Variants in DNAJC6 observed in about 807,000 individuals in gnomAD.
DNAJC6 encodes DnaJ heat shock protein family (Hsp40) member C6.
DNAJC6 carries 34 observed loss-of-function variants against 110.0 expected under a neutral mutation model. The ratio of observed to expected loss-of-function variants is 0.31; its 90% CI spans 0.24 to 0.41. The LOEUF is 0.41. Among genes scored for constraint, DNAJC6 ranks in the 10% least tolerant of loss-of-function variants. DNAJC6 has a pLI of 1.00. For synonymous variants in DNAJC6, 406 were observed against 437.2 expected, an observed-to-expected ratio of 0.93 and a Z score of 0.89; for missense variants, 1,031 against 1,207.8, an observed-to-expected ratio of 0.85 and a Z score of 2.17.
At chr1:65,378,178 C>T (rs1645784934) in intron 4 of DNAJC6, among the ~76,000 whole-genome samples, 1 of 152,220 alleles carries the variant, frequency 6.6e-6, no homozygotes, top group South Asian at 2.1e-4. Context: ...CCTCACCAAC[C>T]TCCTGACTGG....
intron 1 of DNAJC6, among the ~76,000 whole-genome samples, chr1:65,335,574 A>G (rs1645328567): frequency 6.6e-6 from 1 of 152,154 alleles, no homozygotes. Context: ...TTAAGGAGAA[A>G]CCTATAGGAA....
chr1:65,304,197 GA>G (rs201738829), intron 1 of DNAJC6, among the ~76,000 whole-genome samples: 177 of 141,954 alleles, frequency 1.2e-3, no homozygotes, highest in Non-Finnish European at 1.5e-3. Flanking sequence ...TTATCTTAAA[GA>G]AAAAAAAAAA....
rs1233618088 is a variant in DNAJC6, at chr1:65,309,828, T to C, written c.83T>C (p.Leu28Ser). The change falls in exon 1 of 19, where the codon TTA (leucine) becomes TCA (serine). Residue 28 changes from leucine to serine, a missense_variant. Transcript: ENST00000371069. Reference protein sequence around the residue: ...SLQLVDSNGDLSAGSGGVGGK... With the variant: ...SLQLVDSNGDSSAGSGGVGGK... ...CAGCTGGTGGACAGTAACGGGGACT[T>C]AAGTGCGGGAAGCGGCGGGGTTGGC... is the stretch of plus-strand genomic sequence containing the variant. 1.9e-6 allele frequency: 3 copies of C among 1,549,032 alleles called. No homozygotes were observed. The highest frequency in any genetic ancestry group is 2.6e-6 in the Non-Finnish European group (3 of 1,146,340).
chr1:65,267,151 C>T (rs1213286359), intron 1 of DNAJC6, among the ~76,000 whole-genome samples: 1 of 152,150 alleles, frequency 6.6e-6, no homozygotes, highest in African/African-American at 2.4e-5. Flanking sequence ...CCCGCCTCGG[C>T]CTCCCAAAGT....
chr1:65,373,093 T>C (rs1239680247), intron 4 of DNAJC6, among the ~76,000 whole-genome samples: 4 of 152,150 alleles, frequency 2.6e-5, no homozygotes, highest in Non-Finnish European at 5.9e-5. Flanking sequence ...TTATTTCAGT[T>C]ATAATGGCCT....
chr1:65,302,295 T>C, intron 1 of DNAJC6, among the ~76,000 whole-genome samples: 2 of 141,154 alleles, frequency 1.4e-5, no homozygotes, highest in African/African-American at 2.6e-5. Context: ...ATATATAATA[T>C]ATATAATATA....
intron 1 of DNAJC6, among the ~76,000 whole-genome samples, chr1:65,315,429 C>T: frequency 6.6e-6 from 1 of 152,050 alleles, no homozygotes; most frequent in East Asian, 1.9e-4. Flanking sequence ...AGGTCCTTGC[C>T]TCAGAGATAA....
intron 1 of DNAJC6, among the ~76,000 whole-genome samples, chr1:65,321,457 AATAT>A (rs1645196801): frequency 6.6e-6 from 1 of 152,086 alleles, no homozygotes; most frequent in Non-Finnish European, 1.5e-5. Flanking sequence ...TTGGCCTCCC[AATAT>A]ACAGGGATTA....
chr1:65,334,679 G>A (rs78586303), intron 1 of DNAJC6, among the ~76,000 whole-genome samples: 2,870 of 152,310 alleles, frequency 0.019, 106 homozygotes, highest in African/African-American at 0.067. Flanking sequence ...GATGGAAATG[G>A]CCTGAACTGA....
intron 4 of DNAJC6, among the ~76,000 whole-genome samples, chr1:65,376,207 T>G (rs550774732): frequency 6.6e-6 from 1 of 152,264 alleles, no homozygotes; most frequent in Non-Finnish European, 1.5e-5. Flanking sequence ...CTCTTATGAG[T>G]CTTTGTATTT....
chr1:65,352,437 C>G (rs1255444483), intron 1 of DNAJC6, among the ~76,000 whole-genome samples: 1 of 149,650 alleles, frequency 6.7e-6, no homozygotes, highest in Non-Finnish European at 1.5e-5. Context: ...GTCCAATGCA[C>G]TATCCATTGT....
intron 1 of DNAJC6, among the ~76,000 whole-genome samples, chr1:65,281,955 C>G (rs184030482): frequency 2.6e-5 from 4 of 152,240 alleles, no homozygotes; most frequent in Admixed American, 2.6e-4. Flanking sequence ...GACACAGAGT[C>G]TGGCCCAGTC....
intron 1 of DNAJC6, among the ~76,000 whole-genome samples, chr1:65,312,425 G>T (rs1645109840): frequency 6.6e-6 from 1 of 152,158 alleles, no homozygotes; most frequent in Non-Finnish European, 1.5e-5. Context: ...AGTGTGGCCT[G>T]TGCAGTGTAA....
At chr1:65,398,167 AG>A (rs912917109) in intron 13 of DNAJC6, among the ~76,000 whole-genome samples, 3 of 152,052 alleles carry the variant, frequency 2.0e-5, no homozygotes, top group Non-Finnish European at 4.4e-5. Flanking sequence ...TGGAACTTTG[AG>A]GGGGGGTCAG....
intron 1 of DNAJC6, among the ~76,000 whole-genome samples, chr1:65,344,431 C>T (rs182811070): frequency 6.6e-6 from 1 of 152,228 alleles, no homozygotes; most frequent in Non-Finnish European, 1.5e-5. Flanking sequence ...GACAGTCCTC[C>T]AAAGCATGAC....
intron 1 of DNAJC6, among the ~76,000 whole-genome samples, chr1:65,337,914 G>T (rs891933645): frequency 6.6e-6 from 1 of 152,082 alleles, no homozygotes; most frequent in Non-Finnish European, 1.5e-5. Context: ...TTTGGTCATG[G>T]GAGCCTCTGA....
intron 1 of DNAJC6, among the ~76,000 whole-genome samples, chr1:65,347,482 G>A (rs1645447918): frequency 6.6e-6 from 1 of 150,734 alleles, no homozygotes; most frequent in Non-Finnish European, 1.5e-5. Flanking sequence ...TGCTCTTTAT[G>A]TATGTCCTTA....
intron 14 of DNAJC6, among the ~76,000 whole-genome samples, chr1:65,400,537 G>A (rs1340962429): frequency 6.6e-6 from 1 of 152,068 alleles, no homozygotes; most frequent in Non-Finnish European, 1.5e-5. Context: ...TTATTTCTAT[G>A]AGACCAACTT....
At position 65,326,832 on chromosome 1, in the gene DNAJC6, A is replaced by G. The variant is rs367852251; in HGVS notation, c.193+16894A>G. ...CAACGATCATCTGTCTCTGAATCCC[A>G]AATTCTAAATTCCAGGAGGAAAGAA... On this transcript the variant is annotated intron_variant, in intron 1 of 18. Coordinates refer to ENST00000371069, the MANE Select transcript of DNAJC6 (RefSeq NM_001256864.2). Among the ~76,000 whole-genome samples the G allele has an allele frequency of 5.9e-5, 9 of 152,328 alleles. No individual in the cohort carries two copies. The East Asian group carries it at 9.6e-4, about 16-fold the overall frequency.
Sources: allele counts gnomAD v4.1 joint callset (sites outside exome capture counted in the v4.1 genomes callset), GRCh38; gene constraint gnomAD v4.1.1; transcripts MANE v1.5; gene names NCBI Gene and HGNC (gene_info 2026-07-23, HGNC 2026-07-21).